Variants in DDX25 observed in about 807,000 individuals in gnomAD.
The protein encoded by DDX25 is DEAD-box helicase 25.
DDX25 carries 70 observed loss-of-function variants against 64.6 expected under a neutral mutation model. The ratio of observed to expected loss-of-function variants is 1.08; its 90% CI spans 0.89 to 1.32. DDX25 has a LOEUF of 1.32. Ranked by LOEUF, DDX25 falls within the 40% of genes most tolerant of loss-of-function variation. The pLI, the probability that DDX25 is intolerant of heterozygous loss-of-function variation, is 0.00. For missense variants in DDX25, 587 were observed against 604.4 expected, an observed-to-expected ratio of 0.97 and a Z score of 0.30; for synonymous variants, 211 against 213.3, an observed-to-expected ratio of 0.99 and a Z score of 0.09.
chr11:125,911,691 C>T (rs958928645), intron 8 of DDX25, among the ~76,000 whole-genome samples: 29 of 152,326 alleles, frequency 1.9e-4, no homozygotes, highest in East Asian at 9.6e-4. Flanking sequence ...TGTAATCTTG[C>T]CTGAGTGCTT....
intron 8 of DDX25, among the ~76,000 whole-genome samples, chr11:125,912,793 C>T (rs770940381): frequency 2.0e-5 from 3 of 149,710 alleles, no homozygotes; most frequent in Non-Finnish European, 4.4e-5. Context: ...CTTTAATTTT[C>T]CCTTAGCTAT....
At chr11:125,911,556 C>A in intron 8 of DDX25, 68 bp downstream of exon 8, 2 of 1,468,154 alleles carry the variant, frequency 1.4e-6, no homozygotes, top group Non-Finnish European at 1.9e-6. Context: ...TTGTTTACTC[C>A]TCCACATTAT....
In DDX25 at chr11:125,904,577, C is replaced by T. The variant is rs1297851305; in HGVS notation, c.60C>T (p.Ser20=). The part of the protein sequence containing the change: ...AGAAESERLN[S]HFSNLSQPRK... Reference sequence around the variant, plus strand: ...CGGCGGAGAGCGAGCGGCTGAACAGCCACGTAACCGCCACCGAGCCGGGGG... The same window carrying T: ...CGGCGGAGAGCGAGCGGCTGAACAGTCACGTAACCGCCACCGAGCCGGGGG... Residue 20 remains serine (S), a synonymous_variant, in exon 1 of 12, where the codon AGC becomes AGT. Transcript: ENST00000263576. 2.0e-6 allele frequency: 3 copies of T among 1,488,004 alleles called. No individual in the cohort carries two copies. The highest frequency in any genetic ancestry group is 2.7e-6 in the Non-Finnish European group (3 of 1,119,192). The allele number at this position is 1,488,004 out of a possible 1,614,324, so 92.2% of individuals were successfully genotyped here.
chr11:125,917,360 T>C (rs1565467022), intron 9 of DDX25, 109 bp downstream of exon 9: 1 of 987,960 alleles, frequency 1.0e-6, no homozygotes. Flanking sequence ...ACTTCTTGTG[T>C]GTCTCCAGTT....
At position 125,908,245 on chromosome 11, in the gene DDX25, T is replaced by C. The variant is rs750901437; in HGVS notation, c.361T>C (p.Ser121Pro). The C allele has an allele frequency of 1.2e-6, 2 of 1,613,306 alleles. No homozygotes were observed. The highest frequency in any genetic ancestry group is 1.7e-6 in the Non-Finnish European group (2 of 1,179,538). ...CTATGCAATGGGATTTAATAGGCCA[T>C]CTAAAATCCAAGAGATGGCTCTCCC... The part of the protein sequence containing the change: ...GIYAMGFNRP[S>P]KIQEMALPMM... The change falls in exon 5 of 12, where the codon TCT becomes CCT. Residue 121 changes from serine to proline, a missense_variant. Coordinates refer to ENST00000263576, the MANE Select transcript of DDX25 (RefSeq NM_013264.5).
intron 9 of DDX25, among the ~76,000 whole-genome samples, chr11:125,918,007 T>C (rs1197595263): frequency 6.6e-6 from 1 of 152,072 alleles, no homozygotes; most frequent in African/African-American, 2.4e-5. Context: ...GCTTCCCGAG[T>C]AGCTGAGACT....
chr11:125,920,979 A>G, intron 10 of DDX25: 1 of 552,106 alleles, frequency 1.8e-6, no homozygotes, highest in Non-Finnish European at 3.2e-6. Flanking sequence ...ACATTTCTGT[A>G]GCATTCTCTA....
intron 4 of DDX25, among the ~76,000 whole-genome samples, chr11:125,906,540 G>C (rs1460294415): frequency 6.6e-6 from 1 of 151,980 alleles, no homozygotes; most frequent in Non-Finnish European, 1.5e-5. Flanking sequence ...TCAAAATATA[G>C]CTCAGGCCAG....
chr11:125,925,371 C>T lies in DDX25; in HGVS notation c.*2490C>T, dbSNP rs905598218. 4 of 455,874 alleles carry T rather than the reference C, an allele frequency of 8.8e-6. No homozygotes were observed. Among genetic ancestry groups the T allele is most frequent in the African/African-American group, 2.0e-5 (1 of 50,072 alleles). The allele number at this position is 455,874 out of a possible 1,614,324, so 28.2% of individuals were successfully genotyped here. On this transcript the variant is annotated 3_prime_UTR_variant, in exon 12 of 12. Coordinates refer to ENST00000263576, the MANE Select transcript of DDX25 (RefSeq NM_013264.5). ...TCCCTTTGTCTCACCACCTAGGAGG[C>T]AGCAAAGCCATCCTGTGTCACAGCT...
rs955863891 is a variant in DDX25 at position 125,923,101 on chromosome 11, C to A, written c.*220C>A. 6.5e-5 allele frequency: 35 copies of A among 538,214 alleles called. No homozygotes were observed. The highest frequency in any genetic ancestry group is 4.0e-4 in the Admixed American group (12 of 30,112). The allele number at this position is 538,214 out of a possible 1,614,324, so 33.3% of individuals were successfully genotyped here. ...GAATAAAAAAAAGGCAAGATTATTTCTTATTCTAATCTTTGTACAGGTAAT... is the reference window on the plus strand; with the variant it reads ...GAATAAAAAAAAGGCAAGATTATTTATTATTCTAATCTTTGTACAGGTAAT... On this transcript the variant is annotated 3_prime_UTR_variant, in exon 12 of 12. Transcript: ENST00000263576.
chr11:125,924,226 C>T lies in DDX25; in HGVS notation c.*1345C>T, dbSNP rs1271329950. 1.3e-5 allele frequency: 2 copies of T among 152,300 alleles called. No homozygotes were observed. The highest frequency in any genetic ancestry group is 3.8e-4 in the East Asian group (2 of 5,196). 9.4% of individuals were successfully genotyped at this position (152,300 alleles called of 1,614,324 possible). A position where few individuals can be genotyped will look rare whatever the true frequency, so the allele number is the denominator to read the frequency against. On this transcript the variant is annotated 3_prime_UTR_variant, in exon 12 of 12. Transcript: ENST00000263576. Reference sequence around the variant, plus strand: ...AGATTGCAGTGAGCCGAGATCGTGCCACTGCATTCCAGCCTGGGCGACAGA... The same window carrying T: ...AGATTGCAGTGAGCCGAGATCGTGCTACTGCATTCCAGCCTGGGCGACAGA...
At chr11:125,919,111 A>G (rs1179787709) in intron 10 of DDX25, among the ~76,000 whole-genome samples, 1 of 152,176 alleles carries the variant, frequency 6.6e-6, no homozygotes, top group African/African-American at 2.4e-5. Context: ...AATGAATTTC[A>G]TTAGTATTGT....
chr11:125,913,985 A>G (rs1379455609), intron 8 of DDX25, among the ~76,000 whole-genome samples: 1 of 152,198 alleles, frequency 6.6e-6, no homozygotes, highest in Non-Finnish European at 1.5e-5. Flanking sequence ...GTCTGTCTCA[A>G]TCACACTGGT....
intron 9 of DDX25, among the ~76,000 whole-genome samples, chr11:125,917,736 T>A (rs1324615081): frequency 6.6e-6 from 1 of 152,178 alleles, no homozygotes; most frequent in Non-Finnish European, 1.5e-5. Context: ...CCAGCACCTA[T>A]CTGGCACATG....
Position 125,925,725 on chromosome 11 carries a change from T to G in DDX25, c.*2844T>G. ...CGTAGAGCAGGACTGTGATTTCCAGTGGGTAAGTGAACACCTCGCATGGAA... is the reference window on the plus strand; with the variant it reads ...CGTAGAGCAGGACTGTGATTTCCAGGGGGTAAGTGAACACCTCGCATGGAA... On this transcript the variant is annotated 3_prime_UTR_variant, in exon 12 of 12. Coordinates refer to ENST00000263576, the MANE Select transcript of DDX25 (RefSeq NM_013264.5). The G allele has an allele frequency of 3.6e-6, 1 of 279,012 alleles. No homozygotes were observed. The highest frequency in any genetic ancestry group is 3.3e-5 in the South Asian group (1 of 30,700). The allele number at this position is 279,012 out of a possible 1,614,324, so 17.3% of individuals were successfully genotyped here. A position where few individuals can be genotyped will look rare whatever the true frequency, so the allele number is the denominator to read the frequency against.
chr11:125,925,131 T>C lies in DDX25; in HGVS notation c.*2250T>C, dbSNP rs1191549949. The C allele has an allele frequency of 4.4e-6, 1 of 229,118 alleles. No homozygotes were observed. The highest frequency in any genetic ancestry group is 1.1e-4 in the East Asian group (1 of 9,176). The allele number at this position is 229,118 out of a possible 1,614,324, so 14.2% of individuals were successfully genotyped here. A position where few individuals can be genotyped will look rare whatever the true frequency, so the allele number is the denominator to read the frequency against. ...GTATCCAGATACTTTGTTCTCTTACTATTCGAGAATCGAGTTGGACCTTCC... is the reference window on the plus strand; with the variant it reads ...GTATCCAGATACTTTGTTCTCTTACCATTCGAGAATCGAGTTGGACCTTCC... On this transcript the variant is annotated 3_prime_UTR_variant, in exon 12 of 12. Coordinates refer to ENST00000263576, the MANE Select transcript of DDX25 (RefSeq NM_013264.5).
chr11:125,904,156 CG>C, upstream of DDX25, among the ~76,000 whole-genome samples: 1 of 152,170 alleles, frequency 6.6e-6, no homozygotes, highest in African/African-American at 2.4e-5. Flanking sequence ...GCGGGGAGTC[CG>C]GGGGGCTCCC....
intron 10 of DDX25, 76 bp downstream of exon 10, chr11:125,918,866 CG>C: frequency 7.0e-7 from 1 of 1,438,834 alleles, no homozygotes; most frequent in South Asian, 1.5e-5. Flanking sequence ...TACAGTTTCG[CG>C]AGTTTCGACA....
chr11:125,920,184 C>A (rs1408286684), intron 10 of DDX25, among the ~76,000 whole-genome samples: 2 of 152,172 alleles, frequency 1.3e-5, no homozygotes, highest in Non-Finnish European at 2.9e-5. Context: ...CGCCTGTAAT[C>A]CCAACACTTT....
Sources: gnomAD v4.1 joint callset for allele counts (sites outside exome capture counted in the v4.1 genomes callset) on GRCh38, gnomAD v4.1.1 for gene constraint, MANE v1.5 for transcripts, NCBI Gene and HGNC (gene_info 2026-07-23, HGNC 2026-07-21) for gene names.